CAPRIN1: variants seen among roughly 807,000 people sequenced by gnomAD.
CAPRIN1 encodes caprin-1.
CAPRIN1 carries 29 observed loss-of-function variants against 100.9 expected under a neutral mutation model. The observed-to-expected ratio is 0.29, with a 90% CI of 0.21 to 0.39. CAPRIN1 has a LOEUF of 0.39. CAPRIN1 is among the 10% of genes least tolerant of loss of function. The pLI is 1.00. For synonymous variants in CAPRIN1, 338 were observed against 307.5 expected (o/e 1.10, Z -1.04); for missense variants, 795 against 876.7 (o/e 0.91, Z 1.18).
intron 13 of CAPRIN1, 90 bp downstream of exon 13, chr11:34,090,379 C>CT: frequency 1.6e-6 from 2 of 1,237,488 alleles, no homozygotes; most frequent in African/African-American, 1.5e-5. Context: ...AATGATTCTT[C>CT]TTTTTGGACC....
At chr11:34,084,098 CA>C (rs1851088259) in intron 9 of CAPRIN1, among the ~76,000 whole-genome samples, 1 of 151,860 alleles carries the variant, frequency 6.6e-6, no homozygotes, top group South Asian at 2.1e-4. Flanking sequence ...AAAGAGATTG[CA>C]AAGTTTTTTT....
At chr11:34,053,946 C>G (rs188911980) in intron 2 of CAPRIN1, among the ~76,000 whole-genome samples, 1 of 152,144 alleles carries the variant, frequency 6.6e-6, no homozygotes, top group African/African-American at 2.4e-5. Context: ...TCTAGGAAAA[C>G]ATATTTATAA....
rs773228659 is a variant in CAPRIN1, at chr11:34,099,705, T to C, written c.*338T>C. On this transcript the variant is annotated 3_prime_UTR_variant, in exon 19 of 19. Coordinates refer to ENST00000341394, the MANE Select transcript of CAPRIN1 (RefSeq NM_005898.5). The stretch of plus-strand genomic sequence containing the variant: ...TGAAGTGGCTTGAAAAAGGCAAGAT[T>C]GACTTTTATGACATTGGATAAAATC... 5.1e-5 allele frequency: 11 copies of C among 214,652 alleles called. No individual in the cohort carries two copies. The highest frequency in any genetic ancestry group is 5.1e-4 in the Admixed American group (9 of 17,734). 13.3% of individuals were successfully genotyped at this position (214,652 alleles called of 1,614,324 possible). A position where few individuals can be genotyped will look rare whatever the true frequency, so the allele number is the denominator to read the frequency against.
At chr11:34,059,495 C>G (rs956884281) in intron 2 of CAPRIN1, among the ~76,000 whole-genome samples, 1 of 152,140 alleles carries the variant, frequency 6.6e-6, no homozygotes, top group East Asian at 1.9e-4. Context: ...GTCTTGAACT[C>G]CTGACCTTGT....
chr11:34,083,762 T>C lies in CAPRIN1; in HGVS notation c.966+721T>C, dbSNP rs1010890280. 6.6e-5 allele frequency among the ~76,000 whole-genome samples: 10 copies of C among 152,326 alleles called. No homozygotes were observed. The East Asian group carries it at 1.7e-3, about 26-fold the overall frequency. On this transcript the variant is annotated intron_variant, in intron 9 of 18. Coordinates refer to ENST00000341394, the MANE Select transcript of CAPRIN1 (RefSeq NM_005898.5). Reference sequence around the variant, plus strand: ...ATATGCTTTTCCTTTTAATATGTTATTCTTATATCAAGACCATTCTCTTGG... The same window carrying C: ...ATATGCTTTTCCTTTTAATATGTTACTCTTATATCAAGACCATTCTCTTGG...
intron 9 of CAPRIN1, among the ~76,000 whole-genome samples, chr11:34,085,236 G>C (rs949270884): frequency 2.6e-5 from 4 of 152,098 alleles, no homozygotes; most frequent in African/African-American, 9.7e-5. Flanking sequence ...GCTGGGAAAA[G>C]GCTAATAGAG....
intron 2 of CAPRIN1, among the ~76,000 whole-genome samples, chr11:34,055,123 T>C (rs1464378528): frequency 6.6e-6 from 1 of 152,190 alleles, no homozygotes; most frequent in African/African-American, 2.4e-5. Context: ...ATTACTATAC[T>C]CTGTCATACC....
intron 2 of CAPRIN1, chr11:34,052,923 G>A (rs943171512): frequency 3.9e-6 from 5 of 1,271,910 alleles, no homozygotes; most frequent in Non-Finnish European, 5.0e-6. Context: ...TTTAGGAGTG[G>A]GACATGTGAG....
chr11:34,056,728 T>G (rs1255607058), intron 2 of CAPRIN1, among the ~76,000 whole-genome samples: 1 of 152,220 alleles, frequency 6.6e-6, no homozygotes, highest in East Asian at 1.9e-4. Context: ...AGTTGTGATA[T>G]AGAATAAAGG....
At chr11:34,075,904 C>T (rs1028941800) in intron 4 of CAPRIN1, among the ~76,000 whole-genome samples, 3 of 152,344 alleles carry the variant, frequency 2.0e-5, no homozygotes, top group African/African-American at 7.2e-5. Context: ...TTTATCATCT[C>T]ATGGTCAATC....
intron 2 of CAPRIN1, among the ~76,000 whole-genome samples, chr11:34,065,687 C>T (rs1850674890): frequency 6.6e-6 from 1 of 152,182 alleles, no homozygotes. Flanking sequence ...ACCTCAATAG[C>T]TGAGAGATCA....
At chr11:34,088,455 G>GT (rs1342476209) in intron 11 of CAPRIN1, among the ~76,000 whole-genome samples, 1 of 152,108 alleles carries the variant, frequency 6.6e-6, no homozygotes, top group Non-Finnish European at 1.5e-5. Flanking sequence ...GAGCCCAGGA[G>GT]TTTGAGACCA....
chr11:34,079,257 G>C (rs1415278181), intron 6 of CAPRIN1, among the ~76,000 whole-genome samples: 1 of 152,144 alleles, frequency 6.6e-6, no homozygotes, highest in Non-Finnish European at 1.5e-5. Flanking sequence ...AAAATTGGCT[G>C]GACGTGGTGG....
Position 34,100,681 on chromosome 11 carries a change from A to G in CAPRIN1, c.*1314A>G, listed in dbSNP as rs1851441109. The G allele has an allele frequency of 6.6e-6, 1 of 152,530 alleles. No homozygotes were observed. Among genetic ancestry groups the G allele is most frequent in the South Asian group, 2.1e-4 (1 of 4,836 alleles). The allele number at this position is 152,530 out of a possible 1,614,324, so 9.4% of individuals were successfully genotyped here. A position where few individuals can be genotyped will look rare whatever the true frequency, so the allele number is the denominator to read the frequency against. On this transcript the variant is annotated 3_prime_UTR_variant, in exon 19 of 19. Coordinates refer to ENST00000341394, the MANE Select transcript of CAPRIN1 (RefSeq NM_005898.5). ...TTCTCCGTTTCTCCTGGAGGCATTT[A>G]TATTCAGTGATAATTCCTTCCCTTA... is the stretch of plus-strand genomic sequence containing the variant.
intron 2 of CAPRIN1, among the ~76,000 whole-genome samples, chr11:34,056,105 C>A (rs773382220): frequency 1.2e-4 from 19 of 152,120 alleles, no homozygotes; most frequent in Non-Finnish European, 2.4e-4. Context: ...TCTTTAGAAA[C>A]CCTTGTGGAG....
intron 2 of CAPRIN1, chr11:34,053,610 A>G (rs915363884): frequency 2.0e-5 from 3 of 150,856 alleles, no homozygotes; most frequent in Non-Finnish European, 3.0e-5. Flanking sequence ...AAAAAAAAAA[A>G]TCGAGCCACA....
intron 1 of CAPRIN1, 32 bp from the exon 2 acceptor site, chr11:34,052,389 C>G (rs779709366): frequency 1.9e-6 from 3 of 1,576,128 alleles, no homozygotes; most frequent in East Asian, 2.3e-5. Flanking sequence ...TCCTTCCTCC[C>G]GCTTTTTCTT....
chr11:34,083,977 G>A (rs1315754916), intron 9 of CAPRIN1, among the ~76,000 whole-genome samples: 1 of 152,170 alleles, frequency 6.6e-6, no homozygotes, highest in Non-Finnish European at 1.5e-5. Flanking sequence ...GCTGAGGTAC[G>A]AGAATCACTT....
intron 18 of CAPRIN1, chr11:34,098,897 A>T (rs1851411149): frequency 1.0e-6 from 1 of 1,002,582 alleles, no homozygotes. Context: ...TTTTGATAGT[A>T]TGATGTTACT....
Sources: gnomAD v4.1 joint callset for allele counts (sites outside exome capture counted in the v4.1 genomes callset) on GRCh38, gnomAD v4.1.1 for gene constraint, MANE v1.5 for transcripts, NCBI Gene and HGNC (gene_info 2026-07-23, HGNC 2026-07-21) for gene names.